Variants in ANK3 observed in about 807,000 individuals in gnomAD.
The protein encoded by ANK3 is ankyrin 3.
A neutral mutation model predicts 370.9 loss-of-function variants in ANK3; 57 were observed. That is an observed-to-expected ratio of 0.15 (90% CI 0.12 to 0.19). The LOEUF (loss-of-function observed/expected upper bound fraction) is 0.19, where lower values mean the gene tolerates loss of function less well. ANK3 is among the 10% of genes least tolerant of loss of function. ANK3 has a pLI of 1.00. For synonymous variants in ANK3, 1,929 were observed against 1,946.3 expected (o/e 0.99, Z 0.23); for missense variants, 4,439 against 5,302.1 (o/e 0.84, Z 5.06).
chr10:60,577,900 G>T (rs1376572149), intron 2 of ANK3, among the ~76,000 whole-genome samples: 1 of 152,212 alleles, frequency 6.6e-6, no homozygotes, highest in African/African-American at 2.4e-5. Flanking sequence ...TCAGATAGGT[G>T]TGGGGCATAA....
chr10:60,058,811 TG>T (rs1282749397), intron 41 of ANK3, among the ~76,000 whole-genome samples: 1 of 152,210 alleles, frequency 6.6e-6, no homozygotes, highest in East Asian at 1.9e-4. Flanking sequence ...TGGAGTGCAG[TG>T]GTGTGATCTC....
intron 1 of ANK3, among the ~76,000 whole-genome samples, chr10:60,702,706 A>C (rs2079560705): frequency 1.3e-5 from 2 of 152,218 alleles, no homozygotes; most frequent in Admixed American, 1.3e-4. Flanking sequence ...AAAACGAACT[A>C]TGGGTTTAGA....
chr10:60,096,074 G>A (rs917129595), intron 28 of ANK3, among the ~76,000 whole-genome samples: 1 of 152,138 alleles, frequency 6.6e-6, no homozygotes, highest in African/African-American at 2.4e-5. Flanking sequence ...TCGGGAGGCT[G>A]AGGCAGGAGA....
intron 2 of ANK3, among the ~76,000 whole-genome samples, chr10:60,594,789 T>A (rs1056059633): frequency 9.2e-5 from 14 of 152,132 alleles, no homozygotes; most frequent in Admixed American, 8.5e-4. Flanking sequence ...GTTATAGCAA[T>A]AGTTTCACTA....
chr10:60,133,877 C>G (rs1337254567), intron 25 of ANK3, among the ~76,000 whole-genome samples: 1 of 152,148 alleles, frequency 6.6e-6, no homozygotes, highest in East Asian at 1.9e-4. Flanking sequence ...TGACATCATG[C>G]CACTGCACTC....
At position 60,200,134 on chromosome 10, in the gene ANK3, C is replaced by T; in HGVS notation, c.1486G>A (p.Ala496Thr). 1 of 1,613,836 alleles carries T rather than the reference C, an allele frequency of 6.2e-7. No homozygotes were observed. Among genetic ancestry groups the T allele is most frequent in the South Asian group, 1.1e-5 (1 of 91,070 alleles). The change falls in exon 13 of 44, where the codon GCT becomes ACT. Residue 496 changes from alanine to threonine, a missense_variant. Transcript: ENST00000280772. ...TTGTCAAGTATTGCGCATACCTTAG[C>T]TTTAGCTTCTACCTGAGCTCCGTCT... ...VQDGAQVEAK[A>T]KDDQTPLHIS...
At chr10:60,695,917 G>C (rs1393314834) in intron 1 of ANK3, among the ~76,000 whole-genome samples, 2 of 151,038 alleles carry the variant, frequency 1.3e-5, no homozygotes, top group Non-Finnish European at 3.0e-5. Context: ...AGAACTGAAG[G>C]AAATAGAGAC....
chr10:60,034,254 C>A (rs2074417606), intron 43 of ANK3, among the ~76,000 whole-genome samples: 1 of 151,796 alleles, frequency 6.6e-6, no homozygotes, highest in African/African-American at 2.4e-5. Context: ...TTAAAGGCGC[C>A]CACCACCATG....
chr10:60,639,089 TAA>T (rs1455922335), intron 1 of ANK3, among the ~76,000 whole-genome samples: 1 of 151,758 alleles, frequency 6.6e-6, no homozygotes, highest in Non-Finnish European at 1.5e-5. Context: ...AAATTGCTGA[TAA>T]AGAGTGATAA....
intron 2 of ANK3, among the ~76,000 whole-genome samples, chr10:60,537,691 T>C (rs1293963707): frequency 6.6e-6 from 1 of 152,038 alleles, no homozygotes; most frequent in Non-Finnish European, 1.5e-5. Context: ...AAAAATAAGG[T>C]ATTGCACAAA....
intron 1 of ANK3, among the ~76,000 whole-genome samples, chr10:60,344,628 C>A (rs1314771005): frequency 4.1e-5 from 6 of 145,902 alleles, no homozygotes; most frequent in African/African-American, 1.5e-4. Context: ...TTGTTATTGG[C>A]ACTAGGTACA....
At chr10:60,635,590 A>G (rs2078542990) in intron 1 of ANK3, among the ~76,000 whole-genome samples, 1 of 152,120 alleles carries the variant, frequency 6.6e-6, no homozygotes, top group South Asian at 2.1e-4. Flanking sequence ...TACTAGTAAA[A>G]TCCAAACTAT....
chr10:60,080,326 TA>T (rs918868057), intron 36 of ANK3: 3 of 505,250 alleles, frequency 5.9e-6, no homozygotes, highest in Non-Finnish European at 1.0e-5. Flanking sequence ...TTAATGGCTT[TA>T]AAAACTGTTT....
At chr10:60,719,627 C>T (rs926664156) in intron 1 of ANK3, among the ~76,000 whole-genome samples, 1 of 152,060 alleles carries the variant, frequency 6.6e-6, no homozygotes, top group Non-Finnish European at 1.5e-5. Context: ...GTTACTTTCC[C>T]TCTTCTATGA....
chr10:60,112,614 C>T (rs1385410072), intron 26 of ANK3, among the ~76,000 whole-genome samples: 2 of 152,068 alleles, frequency 1.3e-5, no homozygotes, highest in African/African-American at 4.8e-5. Flanking sequence ...GGTATTTTAA[C>T]CTGAAGCATT....
chr10:60,149,236 A>G (rs941407757), intron 23 of ANK3, among the ~76,000 whole-genome samples: 4 of 152,146 alleles, frequency 2.6e-5, no homozygotes, highest in Non-Finnish European at 5.9e-5. Flanking sequence ...CCATTGGGAC[A>G]TCTTTCCTGG....
chr10:60,239,858 T>C (rs962180974), intron 7 of ANK3, among the ~76,000 whole-genome samples: 1 of 152,014 alleles, frequency 6.6e-6, no homozygotes, highest in African/African-American at 2.4e-5. Context: ...GCTCATACCA[T>C]ATTTGAAGGT....
Position 60,086,598 on chromosome 10 carries a change from T to TTATATCTTTGTACACAAA in ANK3, c.3748+61_3748+78dup, listed in dbSNP as rs1417536680. On this transcript the variant is annotated intron_variant, in intron 30 of 43. Coordinates refer to ENST00000280772, the MANE Select transcript of ANK3 (RefSeq NM_020987.5). ...TGTTGGCATGGATATTTCAAAGGTT[T>TTATATCTTTGTACACAAA]TATATCTTTGTACACAAATATATCT... is the stretch of plus-strand genomic sequence containing the variant. 3.1e-6 allele frequency: 4 copies of TTATATCTTTGTACACAAA among 1,285,838 alleles called. No homozygotes were observed. In the Admixed American group the frequency reaches 9.4e-5, roughly 30 times the overall value. The allele number at this position is 1,285,838 out of a possible 1,614,324, so 79.7% of individuals were successfully genotyped here.
intron 28 of ANK3, among the ~76,000 whole-genome samples, chr10:60,088,794 A>G (rs1357858642): frequency 1.3e-5 from 2 of 152,242 alleles, no homozygotes; most frequent in Non-Finnish European, 2.9e-5. Context: ...TAAAGAGAAA[A>G]TGGTAGTGAC....
Sources: gnomAD v4.1 joint callset for allele counts (sites outside exome capture counted in the v4.1 genomes callset) on GRCh38, gnomAD v4.1.1 for gene constraint, MANE v1.5 for transcripts, NCBI Gene and HGNC (gene_info 2026-07-23, HGNC 2026-07-21) for gene names.